Variants in GLI3 observed in about 807,000 individuals in gnomAD.
GLI3 encodes transcription activator GLI3.
In GLI3, 20 loss-of-function variants were observed where a neutral mutation model predicts 100.8. The observed-to-expected ratio is 0.20, with a 90% CI of 0.14 to 0.29. GLI3 has a LOEUF of 0.29. Among genes scored for constraint, GLI3 ranks in the 10% least tolerant of loss-of-function variants. The pLI is 1.00. For synonymous variants in GLI3, 938 were observed against 860.5 expected (o/e 1.09, Z -1.58); for missense variants, 2,040 against 2,128.5 (o/e 0.96, Z 0.82).
chr7:42,060,653 A>G (rs1268286368), intron 4 of GLI3, among the ~76,000 whole-genome samples: 1 of 152,218 alleles, frequency 6.6e-6, no homozygotes, highest in African/African-American at 2.4e-5. Context: ...ATTCCATCTC[A>G]AAAACAATAC....
intron 2 of GLI3, among the ~76,000 whole-genome samples, chr7:42,170,284 A>G (rs1787341160): frequency 7.0e-6 from 1 of 142,252 alleles, no homozygotes; most frequent in Admixed American, 6.8e-5. Flanking sequence ...ATATATATAT[A>G]TATACACACA....
At chr7:42,177,275 G>A (rs948371879) in intron 2 of GLI3, among the ~76,000 whole-genome samples, 1 of 152,146 alleles carries the variant, frequency 6.6e-6, no homozygotes, top group Non-Finnish European at 1.5e-5. Flanking sequence ...GCAGAGTGGG[G>A]AGGAGAGACG....
At chr7:42,021,740 T>C (rs1788949278) in intron 10 of GLI3, among the ~76,000 whole-genome samples, 1 of 152,228 alleles carries the variant, frequency 6.6e-6, no homozygotes, top group Non-Finnish European at 1.5e-5. Flanking sequence ...AACGGCACCA[T>C]GAGACTGTCA....
At chr7:42,115,608 C>G (rs1321785883) in intron 3 of GLI3, among the ~76,000 whole-genome samples, 5 of 152,178 alleles carry the variant, frequency 3.3e-5, no homozygotes, top group Non-Finnish European at 5.9e-5. Flanking sequence ...CCCTGTAACA[C>G]TGAGGTCCTA....
chr7:42,200,869 AG>A (rs1438214294), intron 2 of GLI3, among the ~76,000 whole-genome samples: 1 of 152,226 alleles, frequency 6.6e-6, no homozygotes, highest in East Asian at 1.9e-4. Flanking sequence ...AACACAGGAC[AG>A]ACTGAAATGC....
chr7:42,042,056 C>T (rs1784150292), intron 6 of GLI3, among the ~76,000 whole-genome samples: 1 of 148,766 alleles, frequency 6.7e-6, no homozygotes, highest in Non-Finnish European at 1.5e-5. Context: ...GCTCTGTTGC[C>T]AGGCTGGAGT....
intron 3 of GLI3, among the ~76,000 whole-genome samples, chr7:42,095,235 G>A (rs1488303766): frequency 6.6e-6 from 1 of 152,158 alleles, no homozygotes; most frequent in Non-Finnish European, 1.5e-5. Context: ...TAGGCCTGGG[G>A]TGGAGCCTGA....
intron 1 of GLI3, among the ~76,000 whole-genome samples, chr7:42,252,557 T>C (rs1789044700): frequency 6.6e-6 from 1 of 152,214 alleles, no homozygotes; most frequent in African/African-American, 2.4e-5. Flanking sequence ...ATTCTCACTA[T>C]TATACACACA....
intron 5 of GLI3, among the ~76,000 whole-genome samples, chr7:42,045,857 T>A (rs1562701589): frequency 2.0e-5 from 3 of 152,356 alleles, no homozygotes; most frequent in East Asian, 1.9e-4. Flanking sequence ...CATTTTTATA[T>A]CAAATCACTG....
At chr7:42,022,139 T>G (rs1412988944) in intron 10 of GLI3, among the ~76,000 whole-genome samples, 1 of 152,146 alleles carries the variant, frequency 6.6e-6, no homozygotes, top group Non-Finnish European at 1.5e-5. Flanking sequence ...ATTCTTCCCA[T>G]ACAATTACCA....
intron 2 of GLI3, among the ~76,000 whole-genome samples, chr7:42,222,630 C>A (rs948051435): frequency 2.0e-5 from 3 of 152,178 alleles, no homozygotes; most frequent in Non-Finnish European, 4.4e-5. Context: ...AACAACAAAA[C>A]CTGCATCTCA....
At chr7:42,215,216 G>A (rs904338752) in intron 2 of GLI3, among the ~76,000 whole-genome samples, 1 of 152,140 alleles carries the variant, frequency 6.6e-6, no homozygotes, top group African/African-American at 2.4e-5. Context: ...GGTGGTGGCA[G>A]CTATGTGAAC....
intron 1 of GLI3, among the ~76,000 whole-genome samples, chr7:42,234,023 T>C (rs991213061): frequency 6.6e-6 from 1 of 152,146 alleles, no homozygotes; most frequent in African/African-American, 2.4e-5. Flanking sequence ...AACTAAAACC[T>C]CCTTCAAAGA....
chr7:42,113,879 G>C (rs998481330), intron 3 of GLI3, among the ~76,000 whole-genome samples: 12 of 152,188 alleles, frequency 7.9e-5, no homozygotes, highest in Admixed American at 5.9e-4. Context: ...GCTCCCAGGA[G>C]GAGGGGGGAC....
intron 3 of GLI3, among the ~76,000 whole-genome samples, chr7:42,120,544 G>A (rs1435001505): frequency 6.6e-6 from 1 of 152,216 alleles, no homozygotes; most frequent in Non-Finnish European, 1.5e-5. Context: ...CAGTAAACCA[G>A]TATTTATTAA....
At chr7:42,131,283 G>A (rs1371056846) in intron 3 of GLI3, among the ~76,000 whole-genome samples, 1 of 152,160 alleles carries the variant, frequency 6.6e-6, no homozygotes, top group East Asian at 1.9e-4. Flanking sequence ...TTTCCCTTAA[G>A]TGCAAAAGAT....
At chr7:42,081,859 G>C (rs1005845140) in intron 3 of GLI3, among the ~76,000 whole-genome samples, 2 of 152,032 alleles carry the variant, frequency 1.3e-5, no homozygotes, top group South Asian at 2.1e-4. Context: ...GAAAGTGCCC[G>C]GGAAACAGTG....
intron 10 of GLI3, among the ~76,000 whole-genome samples, chr7:42,009,070 G>A (rs1788537270): frequency 6.6e-6 from 1 of 152,182 alleles, no homozygotes; most frequent in Admixed American, 6.5e-5. Context: ...TCTAGAAACA[G>A]CTCCCTTGAC....
intron 3 of GLI3, 150 bp downstream of exon 3, chr7:42,148,076 A>T (rs1375899501): frequency 3.9e-6 from 3 of 773,782 alleles, no homozygotes; most frequent in Non-Finnish European, 5.9e-6. Context: ...GTAAGAAGGA[A>T]AGTGGAAAGA....
Sources: allele counts gnomAD v4.1 joint callset (sites outside exome capture counted in the v4.1 genomes callset), GRCh38; gene constraint gnomAD v4.1.1; transcripts MANE v1.5; gene names NCBI Gene and HGNC (gene_info 2026-07-23, HGNC 2026-07-21).